TRHDE: variants seen among roughly 807,000 people sequenced by gnomAD.
TRHDE encodes thyrotropin-releasing hormone-degrading ectoenzyme.
TRHDE carries 72 observed loss-of-function variants against 125.7 expected under a neutral mutation model. The observed-to-expected ratio is 0.57, with a 90% CI of 0.47 to 0.70. The LOEUF is 0.70. TRHDE is among the 30% of genes least tolerant of loss of function. The pLI is 0.00. For missense variants in TRHDE, 1,110 were observed against 1,327.1 expected, an observed-to-expected ratio of 0.84 and a Z score of 2.54; for synonymous variants, 509 against 509.1, an observed-to-expected ratio of 1.00 and a Z score of 0.00.
At chr12:72,542,520 C>G (rs1016372687) in intron 7 of TRHDE, among the ~76,000 whole-genome samples, 164 bp downstream of exon 7, 1 of 151,320 alleles carries the variant, frequency 6.6e-6, no homozygotes, top group African/African-American at 2.4e-5. Context: ...AGATAGGATA[C>G]TCACGATATC....
At chr12:72,216,737 T>G (rs1337344168) in intron 2 of TRHDE, among the ~76,000 whole-genome samples, 1 of 152,172 alleles carries the variant, frequency 6.6e-6, no homozygotes, top group Non-Finnish European at 1.5e-5. Context: ...CCATTTACAT[T>G]TCCTCTAAGA....
At position 72,273,079 on chromosome 12, in the gene TRHDE, C is replaced by A. The variant is rs755728620; in HGVS notation, c.436C>A (p.His146Asn). ...SLPGSARRNH[H>N]AGGDSWQPEA... ...CCCTGGATCGGCCCGGCGCAACCACCACGCAGGCGGGGACTCCTGGCAGCC... is the reference window on the plus strand; with the variant it reads ...CCCTGGATCGGCCCGGCGCAACCACAACGCAGGCGGGGACTCCTGGCAGCC... Residue 146 changes from histidine to asparagine, a missense_variant, in exon 1 of 19, where the codon CAC becomes AAC. By Grantham distance (68) the His-to-Asn change is moderately conservative (BLOSUM62 1). Coordinates refer to ENST00000261180, the MANE Select transcript of TRHDE (RefSeq NM_013381.3). This position sits in a 1 kb window ranked among gnomAD's most constrained non-coding sequence, Gnocchi z 5.3. 3.4e-5 allele frequency: 52 copies of A among 1,525,906 alleles called. 1 individual carries two copies. The highest frequency in any genetic ancestry group is 4.4e-5 in the Non-Finnish European group (50 of 1,139,028). The allele number at this position is 1,525,906 out of a possible 1,614,324, so 94.5% of individuals were successfully genotyped here. A position where few individuals can be genotyped will look rare whatever the true frequency, so the allele number is the denominator to read the frequency against.
intron 2 of TRHDE, among the ~76,000 whole-genome samples, chr12:72,250,991 T>C (rs1023752196): frequency 1.3e-5 from 2 of 151,688 alleles, no homozygotes; most frequent in Admixed American, 1.3e-4. Context: ...GAGATACATA[T>C]GCAATTACAA....
At chr12:72,276,552 A>G (rs1879494781) in intron 1 of TRHDE, among the ~76,000 whole-genome samples, 1 of 152,186 alleles carries the variant, frequency 6.6e-6, no homozygotes, top group East Asian at 1.9e-4. Context: ...ACTGTGTGCT[A>G]TATACCTTGG....
intron 6 of TRHDE, among the ~76,000 whole-genome samples, chr12:72,517,641 T>A (rs1878947686): frequency 1.3e-5 from 2 of 152,288 alleles, no homozygotes; most frequent in East Asian, 1.9e-4. Context: ...TGTCTCTATG[T>A]CCTTCAGTTC....
intron 2 of TRHDE, among the ~76,000 whole-genome samples, chr12:72,354,932 C>T (rs981514971): frequency 1.3e-5 from 2 of 151,180 alleles, no homozygotes; most frequent in African/African-American, 4.8e-5. Flanking sequence ...GTGATAAGTA[C>T]TATGAGATAG....
At position 72,670,174 on chromosome 12, in the gene TRHDE, C is replaced by T. The variant is rs1350686691; in HGVS notation, c.*6979C>T. The T allele has an allele frequency of 1.3e-5, 2 of 151,738 alleles. No individual in the cohort carries two copies. 9.4% of individuals were successfully genotyped at this position (151,738 alleles called of 1,614,324 possible). The stretch of plus-strand genomic sequence containing the variant: ...ATATAAAAGCACTTTTCCTTTCTAA[C>T]ATTTTATGATTTAGGAATTAAAAAG... On this transcript the variant is annotated 3_prime_UTR_variant, in exon 19 of 19. Transcript: ENST00000261180.
At chr12:72,627,722 A>G (rs367939488) in intron 15 of TRHDE, among the ~76,000 whole-genome samples, 4 of 151,746 alleles carry the variant, frequency 2.6e-5, no homozygotes, top group East Asian at 1.9e-4. Context: ...ATCTCGTTCT[A>G]TTATCCAAGT....
chr12:72,217,920 TTAG>T (rs1877926058), intron 2 of TRHDE, among the ~76,000 whole-genome samples: 1 of 152,108 alleles, frequency 6.6e-6, no homozygotes, highest in Non-Finnish European at 1.5e-5. Context: ...AACTTTAAGA[TTAG>T]TATTAAATTT....
chr12:72,268,956 AG>A (rs1010019303), upstream of TRHDE, among the ~76,000 whole-genome samples: 3 of 152,162 alleles, frequency 2.0e-5, no homozygotes, highest in African/African-American at 4.8e-5. Flanking sequence ...CAGGTACTTT[AG>A]GAAGTTTAAT....
At chr12:72,467,544 C>T (rs1318449618) in intron 3 of TRHDE, among the ~76,000 whole-genome samples, 2 of 152,136 alleles carry the variant, frequency 1.3e-5, no homozygotes, top group Non-Finnish European at 2.9e-5. Context: ...CAGCCAGGCG[C>T]GATGGCTCAG....
At chr12:72,237,848 G>A (rs1878367193) in intron 2 of TRHDE, among the ~76,000 whole-genome samples, 1 of 152,106 alleles carries the variant, frequency 6.6e-6, no homozygotes, top group African/African-American at 2.4e-5. Context: ...AGGATCTAGG[G>A]ACACCATACC....
At chr12:72,516,058 A>C (rs1280800126) in intron 6 of TRHDE, among the ~76,000 whole-genome samples, 1 of 151,726 alleles carries the variant, frequency 6.6e-6, no homozygotes, top group Non-Finnish European at 1.5e-5. Flanking sequence ...TGTGTAGTAT[A>C]GTTTGAAGTC....
intron 2 of TRHDE, among the ~76,000 whole-genome samples, chr12:72,158,052 A>G (rs529907993): frequency 1.4e-4 from 21 of 152,252 alleles, no homozygotes; most frequent in African/African-American, 4.8e-4. Flanking sequence ...TAGGAAGAGG[A>G]CTGAGAATTG....
In TRHDE at chr12:72,583,923, C is replaced by CTTT. The variant is rs1190363456; in HGVS notation, c.2321+8406_2321+8408dup. Among the ~76,000 whole-genome samples, 333 of 60,458 alleles carry CTTT rather than the reference C, an allele frequency of 5.5e-3. 63 individuals carry two copies. Among genetic ancestry groups the CTTT allele is most frequent in the Non-Finnish European group, 6.1e-3 (250 of 41,230 alleles). 39.7% of individuals were successfully genotyped at this position (60,458 alleles called of 152,430 possible). A position where few individuals can be genotyped will look rare whatever the true frequency, so the allele number is the denominator to read the frequency against. ...GCTTGTGGCTCTAAAGGATGACAAA[C>CTTT]TTTTTTTTTTTTTTTTTTTTTTTTT... is the stretch of plus-strand genomic sequence containing the variant. On this transcript the variant is annotated intron_variant, in intron 12 of 18. Transcript: ENST00000261180.
chr12:72,644,859 A>T (rs1874216406), intron 15 of TRHDE, among the ~76,000 whole-genome samples: 1 of 152,182 alleles, frequency 6.6e-6, no homozygotes, highest in Non-Finnish European at 1.5e-5. Flanking sequence ...CACTGAGGGG[A>T]GAACAGAAGC....
At chr12:72,558,429 T>C (rs899992122) in intron 7 of TRHDE, among the ~76,000 whole-genome samples, 1 of 152,188 alleles carries the variant, frequency 6.6e-6, no homozygotes, top group Non-Finnish European at 1.5e-5. Context: ...TTCAGAAAGC[T>C]GAAAGTGGCT....
intron 15 of TRHDE, among the ~76,000 whole-genome samples, chr12:72,641,956 GT>G (rs1874082438): frequency 6.6e-6 from 1 of 152,150 alleles, no homozygotes; most frequent in Admixed American, 6.5e-5. Context: ...CTAAATCACA[GT>G]TTGTGATGCT....
intron 2 of TRHDE, among the ~76,000 whole-genome samples, chr12:72,136,725 A>C (rs1426852344): frequency 6.6e-6 from 1 of 152,228 alleles, no homozygotes; most frequent in Non-Finnish European, 1.5e-5. Context: ...GGAGCTGACA[A>C]GCTCCTCATG....
Sources: allele counts gnomAD v4.1 joint callset (sites outside exome capture counted in the v4.1 genomes callset), GRCh38; gene constraint gnomAD v4.1.1; non-coding constraint Gnocchi (gnomAD v3.1); transcripts MANE v1.5; gene names NCBI Gene and HGNC (gene_info 2026-07-23, HGNC 2026-07-21).